Variants in DCAF17 observed in about 807,000 individuals in gnomAD.
The protein encoded by DCAF17 is DDB1- and CUL4-associated factor 17.
In DCAF17, 48 loss-of-function variants were observed where a neutral mutation model predicts 66.0. That is an observed-to-expected ratio of 0.73 (90% CI 0.58 to 0.92). The LOEUF (loss-of-function observed/expected upper bound fraction) is 0.92. Among genes scored for constraint, DCAF17 ranks in the 40% least tolerant of loss-of-function variants. The pLI is 0.00. For missense variants in DCAF17, 562 were observed against 622.8 expected, an observed-to-expected ratio of 0.90 and a Z score of 1.04; for synonymous variants, 206 against 214.6, an observed-to-expected ratio of 0.96 and a Z score of 0.35.
intron 2 of DCAF17, among the ~76,000 whole-genome samples, chr2:171,442,406 A>G (rs1284664433): frequency 6.6e-6 from 1 of 151,850 alleles, no homozygotes; most frequent in Non-Finnish European, 1.5e-5. Flanking sequence ...AAAATACAAA[A>G]TACAAAAATT....
chr2:171,454,673 G>A (rs1389635620), intron 6 of DCAF17, among the ~76,000 whole-genome samples: 3 of 151,918 alleles, frequency 2.0e-5, no homozygotes, highest in Non-Finnish European at 4.4e-5. Flanking sequence ...GAGGCAGGCC[G>A]GTCATTTGAG....
At position 171,453,143 on chromosome 2, in the gene DCAF17, T is replaced by G; in HGVS notation, c.557T>G (p.Val186Gly). ...VARQAGIQQH[V>G]LLYLAVFRVL... The stretch of plus-strand genomic sequence containing the variant: ...TTCTAGGCAGGCATTCAACAACATG[T>G]TTTGCTGTACCTTGCAGTGTTCCGA... The change falls in exon 6 of 14, where the codon GTT becomes GGT. Residue 186 changes from valine (V) to glycine (G), a missense_variant. Coordinates refer to ENST00000375255, the MANE Select transcript of DCAF17 (RefSeq NM_025000.4). The G allele has an allele frequency of 6.2e-7, 1 of 1,609,534 alleles. No individual in the cohort carries two copies. The highest frequency in any genetic ancestry group is 8.5e-7 in the Non-Finnish European group (1 of 1,177,774).
Position 171,463,236 on chromosome 2 carries a change from A to AAC in DCAF17, c.838+4760_838+4761insCA, listed in dbSNP as rs1559279527. Among the ~76,000 whole-genome samples the AAC allele has an allele frequency of 1.4e-4, 22 of 152,008 alleles. 1 individual carries two copies. The highest frequency in any genetic ancestry group is 5.1e-4 in the African/African-American group (21 of 41,460). On this transcript the variant is annotated intron_variant, in intron 8 of 13. Transcript: ENST00000375255. ...TGGAGCGAGATTTTAAAAAAAAAAA[A>AAC]AAAACAGAAAGAAGAATTCTTTTTG... is the stretch of plus-strand genomic sequence containing the variant.
At position 171,484,447 on chromosome 2, in the gene DCAF17, C is replaced by T. The variant is rs1276957155; in HGVS notation, c.*3333C>T. The T allele has an allele frequency of 4.7e-6, 2 of 425,260 alleles. No homozygotes were observed. The highest frequency in any genetic ancestry group is 9.3e-6 in the Non-Finnish European group (2 of 215,996). The allele number at this position is 425,260 out of a possible 1,614,324, so 26.3% of individuals were successfully genotyped here. A position where few individuals can be genotyped will look rare whatever the true frequency, so the allele number is the denominator to read the frequency against. ...CTGACCACGGGGATTCTACATCTTA[C>T]TCTACTTGTTTTATTATTTTCCTAT... On this transcript the variant is annotated 3_prime_UTR_variant, in exon 14 of 14. Coordinates refer to ENST00000375255, the MANE Select transcript of DCAF17 (RefSeq NM_025000.4).
rs371234289 is a variant in DCAF17, at chr2:171,448,777, A to C, written c.418A>C (p.Ile140Leu). 2 of 1,613,270 alleles carry C rather than the reference A, an allele frequency of 1.2e-6. No homozygotes were observed. The highest frequency in any genetic ancestry group is 1.7e-6 in the Non-Finnish European group (2 of 1,179,464). The change falls in exon 4 of 14, where the codon ATC (isoleucine) becomes CTC (leucine). Residue 140 changes from isoleucine to leucine, a missense_variant. By Grantham distance (5) the Ile-to-Leu change is conservative (BLOSUM62 2). Coordinates refer to ENST00000375255, the MANE Select transcript of DCAF17 (RefSeq NM_025000.4). ...TCGTATATCAGCAACTACGGGAAAA[A>C]TCCTTGAGAAAATATATCTTGCACC... ...LLRISATTGK[I>L]LEKIYLAPYC...
chr2:171,481,273 G>T lies in DCAF17; in HGVS notation c.*159G>T, dbSNP rs761267211. On this transcript the variant is annotated 3_prime_UTR_variant, in exon 14 of 14. Coordinates refer to ENST00000375255, the MANE Select transcript of DCAF17 (RefSeq NM_025000.4). ...ATGACTTCTTTTTTAAACTCTTGCTGTAAAAGATGGTGAGGACTTCATTTT... is the reference window on the plus strand; with the variant it reads ...ATGACTTCTTTTTTAAACTCTTGCTTTAAAAGATGGTGAGGACTTCATTTT... 1 of 883,540 alleles carries T rather than the reference G, an allele frequency of 1.1e-6. No homozygotes were observed. 54.7% of individuals were successfully genotyped at this position (883,540 alleles called of 1,614,324 possible).
intron 8 of DCAF17, 120 bp from the exon 9 acceptor site, chr2:171,468,768 A>T: frequency 7.5e-7 from 1 of 1,332,874 alleles, no homozygotes. Flanking sequence ...TGAACATAGT[A>T]ATTTTTCATT....
At position 171,481,129 on chromosome 2, in the gene DCAF17, T is replaced by C. The variant is rs146258833; in HGVS notation, c.*15T>C. 1.5e-4 allele frequency: 238 copies of C among 1,613,360 alleles called. 3 individuals are homozygous for C. The East Asian group carries it at 2.5e-3, about 17-fold the overall frequency. On this transcript the variant is annotated 3_prime_UTR_variant, in exon 14 of 14. Coordinates refer to ENST00000375255, the MANE Select transcript of DCAF17 (RefSeq NM_025000.4). ...GAAGCTGTTAAAAAGAGTGAGATAA[T>C]TGTAACCTAAGAGACTTTTAGCCAA...
At chr2:171,477,541 C>T (rs1228249159) in intron 11 of DCAF17, among the ~76,000 whole-genome samples, 1 of 152,066 alleles carries the variant, frequency 6.6e-6, no homozygotes, top group Non-Finnish European at 1.5e-5. Context: ...CACCTGTAAT[C>T]TCAGCACTTT....
Position 171,482,362 on chromosome 2 carries a change from A to T in DCAF17, c.*1248A>T, listed in dbSNP as rs1039762080. On this transcript the variant is annotated 3_prime_UTR_variant, in exon 14 of 14. Transcript: ENST00000375255. ...GGATGATTTATATTAAAATCTTTCCATTTTTTTTTTCAGTTTTGGCTTGAT... is the reference window on the plus strand; with the variant it reads ...GGATGATTTATATTAAAATCTTTCCTTTTTTTTTTTCAGTTTTGGCTTGAT... 1.6e-5 allele frequency: 7 copies of T among 432,356 alleles called. No individual in the cohort carries two copies. Among genetic ancestry groups the T allele is most frequent in the South Asian group, 3.3e-5 (2 of 60,710 alleles). The allele number at this position is 432,356 out of a possible 1,614,324, so 26.8% of individuals were successfully genotyped here.
intron 6 of DCAF17, among the ~76,000 whole-genome samples, chr2:171,454,283 T>A (rs906212326): frequency 2.7e-4 from 41 of 151,652 alleles, no homozygotes; most frequent in African/African-American, 9.7e-4. Flanking sequence ...TTATTATTAT[T>A]ATTAATTTTT....
intron 10 of DCAF17, among the ~76,000 whole-genome samples, chr2:171,475,650 C>G (rs929141501): frequency 5.3e-5 from 8 of 152,180 alleles, no homozygotes; most frequent in African/African-American, 1.7e-4. Flanking sequence ...GTGGTCTTAG[C>G]TCCTCAGGAG....
At chr2:171,435,632 C>T (rs1693851006) in intron 2 of DCAF17, among the ~76,000 whole-genome samples, 1 of 151,314 alleles carries the variant, frequency 6.6e-6, no homozygotes, top group African/African-American at 2.4e-5. Context: ...GCCTCATCCA[C>T]AACTGTCCAA....
intron 8 of DCAF17, 95 bp from the exon 9 acceptor site, chr2:171,468,793 G>C: frequency 6.8e-7 from 1 of 1,459,984 alleles, no homozygotes; most frequent in Non-Finnish European, 9.6e-7. Flanking sequence ...GAAATTTATA[G>C]ATGTTGCATG....
chr2:171,477,862 T>C, intron 11 of DCAF17, 125 bp from the exon 12 acceptor site: 1 of 765,608 alleles, frequency 1.3e-6, no homozygotes, highest in East Asian at 2.7e-5. Context: ...ATTTTCTCAG[T>C]TGAGGAAAGA....
Position 171,482,801 on chromosome 2 carries a change from T to G in DCAF17, c.*1687T>G. ...ATAGCTGAATTCCTGGCTGCTTTTT[T>G]GCTGGGGGTAGATGGTGGAATACTT... is the stretch of plus-strand genomic sequence containing the variant. On this transcript the variant is annotated 3_prime_UTR_variant, in exon 14 of 14. Coordinates refer to ENST00000375255, the MANE Select transcript of DCAF17 (RefSeq NM_025000.4). 1 of 453,870 alleles carries G rather than the reference T, an allele frequency of 2.2e-6. No homozygotes were observed. The highest frequency in any genetic ancestry group is 1.6e-5 in the South Asian group (1 of 64,396). The allele number at this position is 453,870 out of a possible 1,614,324, so 28.1% of individuals were successfully genotyped here.
intron 8 of DCAF17, among the ~76,000 whole-genome samples, chr2:171,461,214 G>A (rs563182452): frequency 4.1e-4 from 63 of 152,226 alleles, no homozygotes; most frequent in South Asian, 8.3e-4. Context: ...GGAGGCTGAC[G>A]CGGGCAGATC....
rs143963337 is a variant in DCAF17 at position 171,448,085 on chromosome 2, G to A, written c.322-596G>A. 4.9e-3 allele frequency among the ~76,000 whole-genome samples: 751 copies of A among 152,290 alleles called. 4 individuals carry two copies. The highest frequency in any genetic ancestry group is 0.017 in the African/African-American group (720 of 41,556). On this transcript the variant is annotated intron_variant, in intron 3 of 13. Coordinates refer to ENST00000375255, the MANE Select transcript of DCAF17 (RefSeq NM_025000.4). ...TTTGACTTCCATCTAAAGGAAACAA[G>A]TCCTGTGGTAAAGGAAAAAGGGGGC...
At position 171,434,298 on chromosome 2, in the gene DCAF17, C is replaced by T. The variant is rs890714096; in HGVS notation, c.-280C>T. 14 of 600,018 alleles carry T rather than the reference C, an allele frequency of 2.3e-5. No individual in the cohort carries two copies. Among genetic ancestry groups the T allele is most frequent in the East Asian group, 1.5e-4 (4 of 26,762 alleles). 37.2% of individuals were successfully genotyped at this position (600,018 alleles called of 1,614,324 possible). On this transcript the variant is annotated 5_prime_UTR_variant, in exon 1 of 14. Transcript: ENST00000375255. ...GAGAGAGCGGCTCCGGCCGGCCGCG[C>T]GGTACCGGAGCGTCGCACTGTCAGC...
Sources: allele counts gnomAD v4.1 joint callset (sites outside exome capture counted in the v4.1 genomes callset), GRCh38; gene constraint gnomAD v4.1.1; transcripts MANE v1.5; gene names NCBI Gene and HGNC (gene_info 2026-07-23, HGNC 2026-07-21).